Variants in SEMA3C observed in about 807,000 individuals in gnomAD.
The protein encoded by SEMA3C is semaphorin 3C, also known as semaphorin-3C.
Under a neutral mutation model 89.4 loss-of-function variants are expected in SEMA3C, and 47 were observed. The ratio of observed to expected loss-of-function variants is 0.53; its 90% CI spans 0.42 to 0.67. SEMA3C has a LOEUF of 0.67. Among genes scored for constraint, SEMA3C ranks in the 30% least tolerant of loss-of-function variants. The pLI is 0.00. For synonymous variants in SEMA3C, 310 were observed against 320.2 expected, an observed-to-expected ratio of 0.97 and a Z score of 0.34; for missense variants, 839 against 929.1, an observed-to-expected ratio of 0.90 and a Z score of 1.26.
chr7:80,893,112 T>C (rs932750862), intron 2 of SEMA3C, among the ~76,000 whole-genome samples: 1 of 152,128 alleles, frequency 6.6e-6, no homozygotes, highest in East Asian at 1.9e-4. Context: ...TTATTTTTAG[T>C]TATATTTATC....
chr7:80,856,473 C>T (rs1583946521), intron 2 of SEMA3C, among the ~76,000 whole-genome samples: 1 of 132,456 alleles, frequency 7.5e-6, no homozygotes, highest in East Asian at 2.5e-4. Context: ...GCACAGCATT[C>T]AACATCATGG....
intron 2 of SEMA3C, among the ~76,000 whole-genome samples, chr7:80,879,303 G>C (rs998313553): frequency 2.0e-5 from 3 of 152,184 alleles, no homozygotes; most frequent in African/African-American, 7.2e-5. Context: ...AGGTAGACAA[G>C]AGGGACAAAT....
intron 2 of SEMA3C, among the ~76,000 whole-genome samples, chr7:80,893,203 C>T (rs750128215): frequency 1.3e-5 from 2 of 152,174 alleles, no homozygotes; most frequent in African/African-American, 2.4e-5. Context: ...CAAACAACTG[C>T]CCTGTCAGGG....
intron 2 of SEMA3C, among the ~76,000 whole-genome samples, chr7:80,899,396 T>C (rs1456832804): frequency 1.3e-5 from 2 of 152,200 alleles, no homozygotes; most frequent in African/African-American, 4.8e-5. Flanking sequence ...AGTAAATGCA[T>C]TATTTTATTC....
At chr7:80,869,275 A>G (rs1412546807) in intron 2 of SEMA3C, among the ~76,000 whole-genome samples, 1 of 152,208 alleles carries the variant, frequency 6.6e-6, no homozygotes, top group Non-Finnish European at 1.5e-5. Context: ...GCAAGATGTT[A>G]ATGAAAACGT....
chr7:80,773,272 CAT>C (rs1788474402), intron 12 of SEMA3C, among the ~76,000 whole-genome samples: 1 of 151,872 alleles, frequency 6.6e-6, no homozygotes, highest in African/African-American at 2.4e-5. Flanking sequence ...AAAGAATTTT[CAT>C]ATGTTTTGAA....
At chr7:80,749,334 AC>A (rs1157326944) in intron 16 of SEMA3C, among the ~76,000 whole-genome samples, 1 of 152,174 alleles carries the variant, frequency 6.6e-6, no homozygotes. Context: ...CTTAATTATT[AC>A]AATACTCCTG....
chr7:80,905,714 TA>T, intron 2 of SEMA3C: 1 of 482,666 alleles, frequency 2.1e-6, no homozygotes, highest in Non-Finnish European at 3.9e-6. Context: ...TAAACTAGTT[TA>T]AGATAATTTT....
chr7:80,756,613 G>A (rs1788071719), intron 15 of SEMA3C, among the ~76,000 whole-genome samples: 1 of 152,132 alleles, frequency 6.6e-6, no homozygotes, highest in African/African-American at 2.4e-5. Flanking sequence ...GTGGCATTCT[G>A]ACCTCATTTC....
chr7:80,912,930 T>C (rs774869396), intron 2 of SEMA3C, among the ~76,000 whole-genome samples: 6 of 152,174 alleles, frequency 3.9e-5, no homozygotes, highest in Non-Finnish European at 8.8e-5. Flanking sequence ...TTCATCAGCT[T>C]TGGGGCTTAG....
intron 11 of SEMA3C, among the ~76,000 whole-genome samples, chr7:80,797,475 C>A (rs1159935415): frequency 6.6e-6 from 1 of 152,100 alleles, no homozygotes; most frequent in Non-Finnish European, 1.5e-5. Flanking sequence ...TCAGACCATT[C>A]CTAATTAGAA....
intron 12 of SEMA3C, among the ~76,000 whole-genome samples, chr7:80,769,703 C>CA (rs1368494920): frequency 4.0e-5 from 6 of 151,572 alleles, no homozygotes; most frequent in Admixed American, 3.9e-4. Flanking sequence ...ACTAAAAATG[C>CA]AAAAAATTAG....
At chr7:80,855,911 T>C (rs573596843) in intron 2 of SEMA3C, among the ~76,000 whole-genome samples, 301 of 152,288 alleles carry the variant, frequency 2.0e-3, no homozygotes, top group African/African-American at 6.9e-3. Context: ...ATCATTCATG[T>C]TACGTTTTAA....
At chr7:80,917,206 TC>T (rs1238171648) in intron 1 of SEMA3C, among the ~76,000 whole-genome samples, 1 of 152,176 alleles carries the variant, frequency 6.6e-6, no homozygotes, top group Non-Finnish European at 1.5e-5. Flanking sequence ...GAGAACTCTT[TC>T]CCCCCACTAA....
intron 4 of SEMA3C, among the ~76,000 whole-genome samples, chr7:80,823,478 G>A (rs1436217337): frequency 6.6e-6 from 1 of 152,030 alleles, no homozygotes; most frequent in Non-Finnish European, 1.5e-5. Context: ...AATATATCCT[G>A]GAGCACAGGT....
chr7:80,900,869 T>C (rs1337262043), intron 2 of SEMA3C, among the ~76,000 whole-genome samples: 1 of 152,216 alleles, frequency 6.6e-6, no homozygotes, highest in African/African-American at 2.4e-5. Context: ...ACTGCTGAGA[T>C]AACAAAGAGA....
At chr7:80,771,404 G>C (rs1426520065) in intron 12 of SEMA3C, among the ~76,000 whole-genome samples, 1 of 152,210 alleles carries the variant, frequency 6.6e-6, no homozygotes, top group African/African-American at 2.4e-5. Context: ...CAATCCATAT[G>C]AGATATTTTT....
intron 15 of SEMA3C, among the ~76,000 whole-genome samples, chr7:80,751,601 C>T (rs1787937595): frequency 6.6e-6 from 1 of 152,154 alleles, no homozygotes; most frequent in Non-Finnish European, 1.5e-5. Context: ...TCGCCTGCTG[C>T]ATGCATATCC....
intron 2 of SEMA3C, among the ~76,000 whole-genome samples, chr7:80,848,216 A>G (rs1399946966): frequency 6.6e-6 from 1 of 152,188 alleles, no homozygotes; most frequent in African/African-American, 2.4e-5. Context: ...AGGACAATAA[A>G]GAGAAAACTA....
Sources: gnomAD v4.1 joint callset for allele counts (sites outside exome capture counted in the v4.1 genomes callset) on GRCh38, gnomAD v4.1.1 for gene constraint, MANE v1.5 for transcripts, NCBI Gene and HGNC (gene_info 2026-07-23, HGNC 2026-07-21) for gene names.